KRT13: variants seen among roughly 807,000 people sequenced by gnomAD.
KRT13 encodes keratin, type I cytoskeletal 13.
In KRT13, 27 loss-of-function variants were observed where a neutral mutation model predicts 40.6. That is an observed-to-expected ratio of 0.67 (90% CI 0.49 to 0.92). KRT13 has a LOEUF of 0.92. Ranked by LOEUF, KRT13 falls within the 40% of genes least tolerant of loss-of-function variation. The pLI is 0.00. For synonymous variants in KRT13, 266 were observed against 240.3 expected, an observed-to-expected ratio of 1.11 and a Z score of -0.99; for missense variants, 605 against 611.5, an observed-to-expected ratio of 0.99 and a Z score of 0.11.
Position 41,502,379 on chromosome 17 carries a change from GT to G in KRT13, c.1238del (p.Asp413AlafsTer4), listed in dbSNP as rs748580603. On this transcript the variant is annotated frameshift_variant, in exon 6 of 8. Transcript: ENST00000246635. LOFTEE classifies it low-confidence loss of function (END_TRUNC). Reference protein sequence around the residue: ...ATYRSLLEGQDAKMIGFPSSA... With the variant: ...ATYRSLLEGQXAKMIGFPSSA... ...AGAGGCTGGAGAGGACCTACTTGGC[GT>G]CCTGGCCCTCGAGCAGGCTGCGGTA... 1.2e-6 allele frequency: 2 copies of G among 1,614,198 alleles called. No individual in the cohort carries two copies.
At chr17:41,502,649 A>G (rs1354280308) in intron 5 of KRT13, 38 bp downstream of exon 5, 3 of 1,613,124 alleles carry the variant, frequency 1.9e-6, no homozygotes, top group Non-Finnish European at 2.5e-6. Context: ...AGGGAAACCT[A>G]GAGGTGGTCG....
intron 3 of KRT13, 55 bp downstream of exon 3, chr17:41,503,232 T>C: frequency 6.2e-7 from 1 of 1,607,184 alleles, no homozygotes; most frequent in South Asian, 1.1e-5. Context: ...AGGGGAGGGC[T>C]CCTCCTTCTC....
Position 41,501,652 on chromosome 17 carries a change from C to A in KRT13, c.1270+67G>T, listed in dbSNP as rs927155483. 7.1e-6 allele frequency: 11 copies of A among 1,551,964 alleles called. No individual in the cohort carries two copies. The East Asian group carries it at 2.4e-4, about 34-fold the overall frequency. On this transcript the variant is annotated intron_variant, in intron 7 of 7. Coordinates refer to ENST00000246635, the MANE Select transcript of KRT13 (RefSeq NM_153490.3). ...CTCCCTCCCTCCCCGCCAGCTCCCA[C>A]CCCCATTGGGGCAGTGAATGGGAGG...
chr17:41,502,871 A>G, intron 4 of KRT13, 59 bp from the exon 5 acceptor site: 1 of 1,613,588 alleles, frequency 6.2e-7, no homozygotes, highest in Non-Finnish European at 8.5e-7. Context: ...CCTGACCAAG[A>G]GGCTGTGTCC....
In KRT13 at chr17:41,501,621, C is replaced by A. The variant is rs983853512; in HGVS notation, c.1270+98G>T. The A allele has an allele frequency of 4.2e-5, 65 of 1,542,254 alleles. No individual in the cohort carries two copies. In the Middle Eastern group the frequency reaches 7.4e-4, roughly 18 times the overall value. ...CCCCTCCCTACACTGGAGAGCCCAG[C>A]ACTGGCTCCCTCCCTCCCCGCCAGC... On this transcript the variant is annotated intron_variant, in intron 7 of 7. Coordinates refer to ENST00000246635, the MANE Select transcript of KRT13 (RefSeq NM_153490.3).
intron 6 of KRT13, chr17:41,501,964 T>A: frequency 4.9e-6 from 7 of 1,439,738 alleles, no homozygotes; most frequent in South Asian, 1.5e-5. Context: ...AGGGGAGATA[T>A]TATTAGCCAC....
At position 41,505,075 on chromosome 17, in the gene KRT13, A is replaced by G. The variant is rs367591767; in HGVS notation, c.476T>C (p.Ile159Thr). Residue 159 changes from isoleucine to threonine, a missense_variant, in exon 1 of 8, where the codon ATT (isoleucine) becomes ACT (threonine). Coordinates refer to ENST00000246635, the MANE Select transcript of KRT13 (RefSeq NM_153490.3). Reference sequence around the variant, plus strand: ...GCTCACCTTGTCCCGGAGCTCTTCAATGGTCTTGTAGTAGGGGCTGTAGTC... The same window carrying G: ...GCTCACCTTGTCCCGGAGCTCTTCAGTGGTCTTGTAGTAGGGGCTGTAGTC... ...ERDYSPYYKT[I>T]EELRDKILTA... 1.3e-4 allele frequency: 213 copies of G among 1,614,000 alleles called. No homozygotes were observed. Among genetic ancestry groups the G allele is most frequent in the Admixed American group, 1.7e-4 (10 of 59,998 alleles).
chr17:41,505,284 A>G lies in KRT13; in HGVS notation c.267T>C (p.Phe89=), dbSNP rs1181945431. 6.2e-7 allele frequency: 1 copy of G among 1,614,190 alleles called. No homozygotes were observed. The highest frequency in any genetic ancestry group is 8.5e-7 in the Non-Finnish European group (1 of 1,180,034). ...CGCCATCACAAGCACCAAAGTCAAC[A>G]AAGCCACCAGCAAAACCCCCACCAA... The part of the protein sequence containing the change: ...GGFGGGFAGG[F]VDFGACDGGL... Residue 89 remains phenylalanine (F), a synonymous_variant, in exon 1 of 8, where the codon TTT becomes TTC. Coordinates refer to ENST00000246635, the MANE Select transcript of KRT13 (RefSeq NM_153490.3).
At position 41,502,690 on chromosome 17, in the gene KRT13, G is replaced by A. The variant is rs1028069325; in HGVS notation, c.1020C>T (p.Ser340=). 1.9e-6 allele frequency: 3 copies of A among 1,613,984 alleles called. No individual in the cohort carries two copies. Among genetic ancestry groups the A allele is most frequent in the East Asian group, 2.2e-5 (1 of 44,884 alleles). Residue 340 remains serine, a synonymous_variant, in exon 5 of 8, where the codon AGC becomes AGT. Coordinates refer to ENST00000246635, the MANE Select transcript of KRT13 (RefSeq NM_153490.3). ...GLEIELQSQL[S]MKAGLENTVA... ...GGGCAGGAGGCTGCAGGCATACCAT[G>A]CTCAGCTGGGACTGCAGCTCAATCT... is the stretch of plus-strand genomic sequence containing the variant.
In KRT13 at chr17:41,501,196, A is replaced by T; in HGVS notation, c.*60T>A. On this transcript the variant is annotated 3_prime_UTR_variant, in exon 8 of 8. Transcript: ENST00000246635. Reference sequence around the variant, plus strand: ...GCAGCCCCTCCTCTCTCCTGCAGGGAACTGCCGGCTCTCTCCTCCTCTGGG... The same window carrying T: ...GCAGCCCCTCCTCTCTCCTGCAGGGTACTGCCGGCTCTCTCCTCCTCTGGG... The T allele has an allele frequency of 8.0e-7, 1 of 1,250,382 alleles. No homozygotes were observed. Among genetic ancestry groups the T allele is most frequent in the Non-Finnish European group, 1.1e-6 (1 of 878,232 alleles). 77.5% of individuals were successfully genotyped at this position (1,250,382 alleles called of 1,614,324 possible).
In KRT13 at chr17:41,502,765, C is replaced by G. The variant is rs1399555592; in HGVS notation, c.945G>C (p.Gln315His). The part of the protein sequence containing the change: ...KEVSTNTAMI[Q>H]TSKTEITELR... ...GCTCCGTGATCTCTGTCTTGCTGGT[C>G]TGAATCATGGCAGTGTTGGTAGACA... is the stretch of plus-strand genomic sequence containing the variant. Residue 315 changes from glutamine to histidine, a missense_variant, in exon 5 of 8, where the codon CAG becomes CAC. Transcript: ENST00000246635. The G allele has an allele frequency of 6.2e-7, 1 of 1,614,194 alleles. No homozygotes were observed. Among genetic ancestry groups the G allele is most frequent in the South Asian group, 1.1e-5 (1 of 91,076 alleles).
intron 7 of KRT13, 37 bp downstream of exon 7, chr17:41,501,682 C>T (rs1346195767): frequency 1.3e-6 from 2 of 1,561,904 alleles, no homozygotes; most frequent in African/African-American, 2.7e-5. Context: ...GGGAGGCTAA[C>T]TCTGCCTCCC....
intron 7 of KRT13, 46 bp from the exon 8 acceptor site, chr17:41,501,408 C>G (rs774483710): frequency 1.6e-5 from 23 of 1,466,924 alleles, no homozygotes; most frequent in Middle Eastern, 1.7e-4. Context: ...GAAGACCCAC[C>G]TCAGGACAGG....
At chr17:41,504,553 C>G (rs77861427) in intron 1 of KRT13, 4 of 167,012 alleles carry the variant, frequency 2.4e-5, no homozygotes, top group East Asian at 1.6e-4. Flanking sequence ...CAGGGCTCAA[C>G]AAAGGGCACC....
intron 4 of KRT13, 49 bp downstream of exon 4, chr17:41,502,887 GC>G (rs749787699): frequency 6.2e-7 from 1 of 1,613,866 alleles, no homozygotes; most frequent in African/African-American, 1.3e-5. Context: ...TGTCCGCCCG[GC>G]CCCCCTGGCT....
At chr17:41,502,877 T>C in intron 4 of KRT13, 60 bp downstream of exon 4, 1 of 1,613,988 alleles carries the variant, frequency 6.2e-7, no homozygotes, top group Non-Finnish European at 8.5e-7. Flanking sequence ...CAAGAGGCTG[T>C]GTCCGCCCGG....
intron 6 of KRT13, 71 bp from the exon 7 acceptor site, chr17:41,501,815 G>A (rs909757139): frequency 1.3e-5 from 20 of 1,558,010 alleles, no homozygotes; most frequent in Non-Finnish European, 1.7e-5. Context: ...TTCCTCTGGG[G>A]AAGTGCCTCG....
chr17:41,504,045 T>C (rs2144506506), intron 1 of KRT13: 8 of 388,818 alleles, frequency 2.1e-5, no homozygotes, highest in South Asian at 1.6e-4. Flanking sequence ...GGGCAGGACC[T>C]GGTTCCCATG....
chr17:41,501,637 C>T, intron 7 of KRT13, 82 bp downstream of exon 7: 3 of 1,547,766 alleles, frequency 1.9e-6, no homozygotes, highest in Non-Finnish European at 2.6e-6. Context: ...CTCCCTCCCT[C>T]CCCGCCAGCT....
Sources: gnomAD v4.1 joint callset for allele counts on GRCh38, gnomAD v4.1.1 for gene constraint, MANE v1.5 for transcripts, NCBI Gene and HGNC (gene_info 2026-07-23, HGNC 2026-07-21) for gene names.